The following RBFOX1 variants were observed in gnomAD, a reference collection of about 807,000 sequenced individuals.
RBFOX1 encodes RNA binding fox-1 homolog 1.
A neutral mutation model predicts 57.7 loss-of-function variants in RBFOX1; 8 were observed. That is an observed-to-expected ratio of 0.14 (90% confidence interval 0.08 to 0.25). The LOEUF (loss-of-function observed/expected upper bound fraction) is 0.25, where lower values mean the gene tolerates loss of function less well. RBFOX1 is among the 10% of genes least tolerant of loss of function. The pLI, the probability that RBFOX1 is intolerant of heterozygous loss-of-function variation, is 1.00. For synonymous variants in RBFOX1, 326 were observed against 222.4 expected, an observed-to-expected ratio of 1.47 and a Z score of -4.15; for missense variants, 611 against 548.5, an observed-to-expected ratio of 1.11 and a Z score of -1.14.
intron 2 of RBFOX1, among the ~76,000 whole-genome samples, chr16:5,579,504 A>AC (rs1216483105): frequency 1.3e-5 from 2 of 151,872 alleles, no homozygotes; most frequent in Non-Finnish European, 2.9e-5. Flanking sequence ...CCTTGCTTCA[A>AC]CCCTCCTGCT....
intron 1 of RBFOX1, among the ~76,000 whole-genome samples, chr16:6,105,910 A>G (rs2096372670): frequency 6.6e-6 from 1 of 152,144 alleles, no homozygotes; most frequent in African/African-American, 2.4e-5. Flanking sequence ...TCAAAAAGAT[A>G]AACTTAATGG....
At chr16:7,529,158 G>A (rs929983216) in intron 5 of RBFOX1, among the ~76,000 whole-genome samples, 1 of 152,182 alleles carries the variant, frequency 6.6e-6, no homozygotes, top group Non-Finnish European at 1.5e-5. Flanking sequence ...CTGCTCGGGA[G>A]GCTGAGGCAG....
chr16:7,061,189 A>G, intron 4 of RBFOX1, among the ~76,000 whole-genome samples: 1 of 152,194 alleles, frequency 6.6e-6, no homozygotes. Flanking sequence ...AGCTGCAGGA[A>G]CTCAGGCAAA....
At chr16:6,995,246 C>G (rs1000662850) in intron 3 of RBFOX1, among the ~76,000 whole-genome samples, 2 of 146,138 alleles carry the variant, frequency 1.4e-5, no homozygotes, top group Non-Finnish European at 3.0e-5. Flanking sequence ...TTACATTAGT[C>G]AAACCTGTAT....
At chr16:5,744,516 C>G (rs1387278643) in intron 3 of RBFOX1, among the ~76,000 whole-genome samples, 1 of 152,160 alleles carries the variant, frequency 6.6e-6, no homozygotes, top group Non-Finnish European at 1.5e-5. Context: ...TTCTTTCCAA[C>G]TCCACCTTCA....
At chr16:5,891,366 CT>C (rs967166484) in intron 4 of RBFOX1, among the ~76,000 whole-genome samples, 1 of 152,134 alleles carries the variant, frequency 6.6e-6, no homozygotes, top group African/African-American at 2.4e-5. Flanking sequence ...TCTTTGTGTT[CT>C]TTCCCCAAAA....
intron 11 of RBFOX1, among the ~76,000 whole-genome samples, chr16:7,647,395 A>C (rs966259404): frequency 2.0e-5 from 3 of 152,204 alleles, no homozygotes; most frequent in Non-Finnish European, 4.4e-5. Context: ...TTCAGAAGGA[A>C]TCTCTTCAGT....
At chr16:5,848,232 C>G (rs145838884) in intron 3 of RBFOX1, among the ~76,000 whole-genome samples, 105 of 152,180 alleles carry the variant, frequency 6.9e-4, no homozygotes, top group Middle Eastern at 3.4e-3. Context: ...TTATCCAGCC[C>G]ACCACCACTG....
At chr16:7,378,929 C>A (rs2097735160) in intron 4 of RBFOX1, among the ~76,000 whole-genome samples, 1 of 152,200 alleles carries the variant, frequency 6.6e-6, no homozygotes, top group Non-Finnish European at 1.5e-5. Flanking sequence ...GAAGACACAA[C>A]AGGAGAGCAC....
intron 1 of RBFOX1, among the ~76,000 whole-genome samples, chr16:6,244,849 C>T (rs899608349): frequency 2.6e-5 from 4 of 152,176 alleles, no homozygotes; most frequent in Non-Finnish European, 5.9e-5. Context: ...GCTGTTTTCT[C>T]CTTCACGGAT....
At chr16:7,227,606 C>T (rs944512955) in intron 4 of RBFOX1, among the ~76,000 whole-genome samples, 2 of 152,150 alleles carry the variant, frequency 1.3e-5, no homozygotes, top group African/African-American at 4.8e-5. Context: ...GCCAGCTGCA[C>T]GCGCAAGCAT....
intron 3 of RBFOX1, among the ~76,000 whole-genome samples, chr16:6,693,325 T>A (rs2060514714): frequency 6.6e-6 from 1 of 150,762 alleles, no homozygotes; most frequent in African/African-American, 2.4e-5. Flanking sequence ...ACCACCATCA[T>A]CACCATCATC....
chr16:6,287,708 A>G (rs2077039702), intron 1 of RBFOX1, among the ~76,000 whole-genome samples: 1 of 152,190 alleles, frequency 6.6e-6, no homozygotes, highest in African/African-American at 2.4e-5. Context: ...ATATAAGCAT[A>G]CATATATGTG....
At chr16:7,171,698 A>T (rs2080736554) in intron 4 of RBFOX1, among the ~76,000 whole-genome samples, 1 of 152,224 alleles carries the variant, frequency 6.6e-6, no homozygotes, top group Admixed American at 6.5e-5. Context: ...TAGGGTAAGC[A>T]ATGAGCTTGT....
intron 4 of RBFOX1, among the ~76,000 whole-genome samples, chr16:5,910,713 A>T (rs1358458093): frequency 6.6e-6 from 1 of 152,140 alleles, no homozygotes; most frequent in Non-Finnish European, 1.5e-5. Flanking sequence ...TATCAGTAGG[A>T]TGCCCATCAA....
chr16:7,177,689 A>G (rs1248075093), intron 4 of RBFOX1, among the ~76,000 whole-genome samples: 2 of 152,174 alleles, frequency 1.3e-5, no homozygotes, highest in African/African-American at 4.8e-5. Context: ...ATTCTAGGAC[A>G]GGGGTCAGCA....
intron 2 of RBFOX1, among the ~76,000 whole-genome samples, chr16:6,378,652 G>A (rs2091469429): frequency 6.6e-6 from 1 of 152,118 alleles, no homozygotes; most frequent in African/African-American, 2.4e-5. Context: ...TTCCCCATTG[G>A]TCATCCCAGA....
intron 2 of RBFOX1, among the ~76,000 whole-genome samples, chr16:6,386,243 G>T (rs971001594): frequency 6.6e-6 from 1 of 152,178 alleles, no homozygotes; most frequent in South Asian, 2.1e-4. Flanking sequence ...GCTTCACACT[G>T]CTGTCCTGTT....
intron 4 of RBFOX1, among the ~76,000 whole-genome samples, chr16:7,226,733 T>C (rs1273517853): frequency 6.6e-6 from 1 of 152,224 alleles, no homozygotes; most frequent in Non-Finnish European, 1.5e-5. Context: ...AAGTCACAGT[T>C]AATCAAGAGG....
Sources: gnomAD v4.1 joint callset for allele counts (sites outside exome capture counted in the v4.1 genomes callset) on GRCh38, gnomAD v4.1.1 for gene constraint, MANE v1.5 for transcripts, NCBI Gene and HGNC (gene_info 2026-07-23, HGNC 2026-07-21) for gene names.